LYPLAL1: variants seen among roughly 807,000 people sequenced by gnomAD.
The protein encoded by LYPLAL1 is lysophospholipase-like protein 1.
A neutral mutation model predicts 19.7 loss-of-function variants in LYPLAL1; 23 were observed. The ratio of observed to expected loss-of-function variants is 1.17; its 90% CI spans 0.84 to 1.65. The LOEUF is 1.65. Ranked by LOEUF, LYPLAL1 falls within the 40% of genes most tolerant of loss-of-function variation. The pLI is 0.00. For missense variants in LYPLAL1, 355 were observed against 279.4 expected, an observed-to-expected ratio of 1.27 and a Z score of -1.93; for synonymous variants, 119 against 96.3, an observed-to-expected ratio of 1.24 and a Z score of -1.38.
chr1:219,385,470 A>G, the LYPLAL1 span, among the ~76,000 whole-genome samples: 2 of 152,190 alleles, frequency 1.3e-5, no homozygotes, highest in African/African-American at 4.8e-5. Context: ...GTGATAATAT[A>G]TGTCACTTTT....
At chr1:219,182,668 C>G (rs777230591) in intron 2 of LYPLAL1, among the ~76,000 whole-genome samples, 1 of 152,024 alleles carries the variant, frequency 6.6e-6, no homozygotes, top group Non-Finnish European at 1.5e-5. Flanking sequence ...CTGATATTGT[C>G]CACATTTCTG....
the LYPLAL1 span, among the ~76,000 whole-genome samples, chr1:219,436,067 A>G: frequency 6.6e-6 from 1 of 152,200 alleles, no homozygotes; most frequent in Non-Finnish European, 1.5e-5. Context: ...GGAACACACT[A>G]GCCCGTACAC....
chr1:219,176,500 C>A (rs1297602819), intron 1 of LYPLAL1, among the ~76,000 whole-genome samples: 2 of 152,138 alleles, frequency 1.3e-5, no homozygotes, highest in Non-Finnish European at 2.9e-5. Context: ...CATTTTCAGT[C>A]GTCCTCTTAC....
the LYPLAL1 span, among the ~76,000 whole-genome samples, chr1:219,392,475 A>G: frequency 6.6e-6 from 1 of 152,298 alleles, no homozygotes; most frequent in African/African-American, 2.4e-5. Flanking sequence ...GTCATTAGCT[A>G]TGATGGGCAA....
downstream of LYPLAL1, among the ~76,000 whole-genome samples, chr1:219,213,120 A>C (rs1250834732): frequency 6.6e-6 from 1 of 151,984 alleles, no homozygotes; most frequent in Admixed American, 6.6e-5. Flanking sequence ...ACATTTTCTA[A>C]ATGAATGTGT....
At chr1:219,284,529 A>C in the LYPLAL1 span, among the ~76,000 whole-genome samples, 2 of 152,230 alleles carry the variant, frequency 1.3e-5, no homozygotes, top group East Asian at 3.8e-4. Flanking sequence ...AAAGTAAAAA[A>C]TAAATACACA....
At chr1:219,214,958 G>A (rs145481662), downstream of LYPLAL1, among the ~76,000 whole-genome samples, 82 of 152,078 alleles carry the variant, frequency 5.4e-4, no homozygotes, top group Admixed American at 4.5e-3. Flanking sequence ...CCAAAGTGCT[G>A]GATTTACAGG....
the LYPLAL1 span, among the ~76,000 whole-genome samples, chr1:219,342,887 G>A: frequency 6.6e-6 from 1 of 152,150 alleles, no homozygotes. Flanking sequence ...CCAGTTTATT[G>A]TTTCGAAATC....
chr1:219,216,901 T>C (rs1659310479), downstream of LYPLAL1, among the ~76,000 whole-genome samples: 1 of 152,166 alleles, frequency 6.6e-6, no homozygotes, highest in South Asian at 2.1e-4. Flanking sequence ...TGTCCTGTGC[T>C]GCCAGAGTAC....
At chr1:219,408,686 T>C in the LYPLAL1 span, among the ~76,000 whole-genome samples, 620 of 151,916 alleles carry the variant, frequency 4.1e-3, 7 homozygotes, top group African/African-American at 0.015. Context: ...AAGGAGAAGA[T>C]TGAGCTTGAG....
chr1:219,393,561 GC>G, the LYPLAL1 span, among the ~76,000 whole-genome samples: 1 of 152,008 alleles, frequency 6.6e-6, no homozygotes, highest in African/African-American at 2.4e-5. Context: ...GGTTAGCCTG[GC>G]TTTGCTTTCT....
the LYPLAL1 span, among the ~76,000 whole-genome samples, chr1:219,316,854 G>A: frequency 2.5e-4 from 38 of 152,216 alleles, 1 homozygote; most frequent in African/African-American, 8.7e-4. Flanking sequence ...CAAAATGTTG[G>A]AGACAGGAAG....
the LYPLAL1 span, among the ~76,000 whole-genome samples, chr1:219,356,258 T>C: frequency 3.9e-5 from 6 of 152,096 alleles, no homozygotes; most frequent in East Asian, 1.9e-4. Context: ...TCCCAGCACT[T>C]TGGGAGGCCG....
the LYPLAL1 span, among the ~76,000 whole-genome samples, chr1:219,398,248 C>A: frequency 6.6e-6 from 1 of 152,068 alleles, no homozygotes; most frequent in African/African-American, 2.4e-5. Context: ...TTTGTTCATT[C>A]CCTTTTATTC....
chr1:219,225,930 T>C, the LYPLAL1 span, among the ~76,000 whole-genome samples: 1 of 152,226 alleles, frequency 6.6e-6, no homozygotes, highest in Admixed American at 6.5e-5. Context: ...TTCATGACTT[T>C]GTGTGTAGCA....
the LYPLAL1 span, among the ~76,000 whole-genome samples, chr1:219,223,978 A>T: frequency 6.6e-6 from 1 of 151,834 alleles, no homozygotes; most frequent in Non-Finnish European, 1.5e-5. Flanking sequence ...CCCTACCCTG[A>T]TTTTTCCTGT....
the LYPLAL1 span, among the ~76,000 whole-genome samples, chr1:219,293,519 A>C: frequency 6.6e-6 from 1 of 151,036 alleles, no homozygotes; most frequent in Non-Finnish European, 1.5e-5. Flanking sequence ...TGTTTTTCTC[A>C]TCTGTCACAA....
At chr1:219,335,887 A>T in the LYPLAL1 span, among the ~76,000 whole-genome samples, 1 of 151,690 alleles carries the variant, frequency 6.6e-6, no homozygotes, top group East Asian at 1.9e-4. Flanking sequence ...TAAGAAAAAT[A>T]TTTGAGCAGG....
chr1:219,336,643 A>G, the LYPLAL1 span, among the ~76,000 whole-genome samples: 1 of 151,988 alleles, frequency 6.6e-6, no homozygotes, highest in Non-Finnish European at 1.5e-5. Flanking sequence ...TGCCATTTCT[A>G]CTATTATTAT....
Sources: gnomAD v4.1 joint callset for allele counts (sites outside exome capture counted in the v4.1 genomes callset) on GRCh38, gnomAD v4.1.1 for gene constraint, MANE v1.5 for transcripts, NCBI Gene and HGNC (gene_info 2026-07-23, HGNC 2026-07-21) for gene names.